Variants in WWTR1 observed in about 807,000 individuals in gnomAD.
The protein encoded by WWTR1 is WW domain-containing transcription regulator protein 1.
In WWTR1, 13 loss-of-function variants were observed where a neutral mutation model predicts 40.1. The ratio of observed to expected loss-of-function variants is 0.32; its 90% confidence interval spans 0.21 to 0.52. The LOEUF is 0.52. WWTR1 is among the 20% of genes least tolerant of loss of function. WWTR1 has a pLI of 0.97. For synonymous variants in WWTR1, 230 were observed against 210.1 expected (o/e 1.09, Z -0.82); for missense variants, 436 against 523.1 (o/e 0.83, Z 1.63).
rs551780459 is a variant in WWTR1 at position 149,520,730 on chromosome 3, C to T, written c.*75G>A. 2 of 1,403,428 alleles carry T rather than the reference C, an allele frequency of 1.4e-6. No individual in the cohort carries two copies. Among genetic ancestry groups the T allele is most frequent in the South Asian group, 3.4e-5 (2 of 58,096 alleles). The allele number at this position is 1,403,428 out of a possible 1,614,324, so 86.9% of individuals were successfully genotyped here. Reference sequence around the variant, plus strand: ...GGGAAGTGGTGCACCTGCAGACTTGCTCTGCTCCATCACTTTTTCCAAGAG... The same window carrying T: ...GGGAAGTGGTGCACCTGCAGACTTGTTCTGCTCCATCACTTTTTCCAAGAG... On this transcript the variant is annotated 3_prime_UTR_variant, in exon 7 of 7. Coordinates refer to ENST00000360632, the MANE Select transcript of WWTR1 (RefSeq NM_015472.6).
chr3:149,694,369 G>C (rs1714915027), intron 1 of WWTR1, among the ~76,000 whole-genome samples: 1 of 152,166 alleles, frequency 6.6e-6, no homozygotes, highest in South Asian at 2.1e-4. Context: ...ACTCCAGCCT[G>C]GGCGACAGAG....
intron 3 of WWTR1, among the ~76,000 whole-genome samples, chr3:149,571,939 T>C (rs571985206): frequency 1.3e-5 from 2 of 152,228 alleles, no homozygotes; most frequent in East Asian, 3.8e-4. Context: ...CTGCAGTGTA[T>C]TAATTCACTG....
At chr3:149,532,985 G>A (rs1735660792) in intron 4 of WWTR1, among the ~76,000 whole-genome samples, 1 of 152,212 alleles carries the variant, frequency 6.6e-6, no homozygotes, top group African/African-American at 2.4e-5. Context: ...CATCGGTGGT[G>A]CAGCTGCCTT....
intron 2 of WWTR1, among the ~76,000 whole-genome samples, chr3:149,645,948 C>G (rs113778514): frequency 2.0e-5 from 3 of 152,084 alleles, no homozygotes; most frequent in African/African-American, 7.2e-5. Flanking sequence ...TTGAGATGTG[C>G]CACAGCAAAA....
intron 2 of WWTR1, among the ~76,000 whole-genome samples, chr3:149,614,781 G>A (rs886105656): frequency 1.3e-5 from 2 of 152,084 alleles, no homozygotes; most frequent in African/African-American, 2.4e-5. Context: ...TCAGGAGTTC[G>A]AGACCAGCCT....
intron 4 of WWTR1, among the ~76,000 whole-genome samples, chr3:149,535,695 C>T (rs1392978144): frequency 4.2e-5 from 6 of 142,140 alleles, no homozygotes; most frequent in Admixed American, 3.0e-4. Context: ...TTTAGATACT[C>T]GTCTGTCTTC....
At chr3:149,687,974 T>C (rs1559841698) in intron 1 of WWTR1, among the ~76,000 whole-genome samples, 1 of 151,728 alleles carries the variant, frequency 6.6e-6, no homozygotes, top group South Asian at 2.1e-4. Flanking sequence ...GTTGTTGCCA[T>C]GGACCTGGGG....
intron 3 of WWTR1, among the ~76,000 whole-genome samples, chr3:149,568,061 T>C (rs1376961456): frequency 1.3e-5 from 2 of 152,150 alleles, no homozygotes; most frequent in African/African-American, 4.8e-5. Context: ...TAAGTATTAA[T>C]AGTAAGGAAG....
intron 2 of WWTR1, among the ~76,000 whole-genome samples, chr3:149,591,887 C>T (rs979430934): frequency 1.3e-5 from 2 of 150,150 alleles, no homozygotes; most frequent in African/African-American, 2.5e-5. Flanking sequence ...AGAAACATTG[C>T]GGGAGGGGGT....
At chr3:149,634,885 A>G (rs1711732992) in intron 2 of WWTR1, among the ~76,000 whole-genome samples, 1 of 152,186 alleles carries the variant, frequency 6.6e-6, no homozygotes, top group Admixed American at 6.5e-5. Context: ...TATCCTCACC[A>G]TGTCTGTCCC....
At chr3:149,613,838 A>G (rs11715053) in intron 2 of WWTR1, among the ~76,000 whole-genome samples, 42,750 of 151,950 alleles carry the variant, frequency 0.28, 8,084 homozygotes, top group African/African-American at 0.54. Flanking sequence ...GAGCCACTAC[A>G]CCCAGCTGGG....
At chr3:149,646,816 G>C (rs577839206) in intron 2 of WWTR1, among the ~76,000 whole-genome samples, 1 of 152,228 alleles carries the variant, frequency 6.6e-6, no homozygotes, top group South Asian at 2.1e-4. Context: ...TTCTAAATGG[G>C]GGATTCAGAG....
At chr3:149,637,349 C>G (rs1011281497) in intron 2 of WWTR1, among the ~76,000 whole-genome samples, 1 of 151,986 alleles carries the variant, frequency 6.6e-6, no homozygotes, top group African/African-American at 2.4e-5. Flanking sequence ...CCTCAGCCTC[C>G]CCAGTAGCTG....
chr3:149,664,724 GA>G (rs1713734526), intron 2 of WWTR1, among the ~76,000 whole-genome samples: 1 of 152,056 alleles, frequency 6.6e-6, no homozygotes, highest in African/African-American at 2.4e-5. Context: ...GAGTAGCTGG[GA>G]TTACAGGCAT....
intron 3 of WWTR1, among the ~76,000 whole-genome samples, chr3:149,557,676 A>G (rs915966512): frequency 1.3e-5 from 2 of 151,760 alleles, no homozygotes; most frequent in Non-Finnish European, 2.9e-5. Flanking sequence ...CTTTACCCCA[A>G]CTTAATTCAA....
chr3:149,583,087 T>G (rs2108015805), intron 2 of WWTR1, among the ~76,000 whole-genome samples: 1 of 152,278 alleles, frequency 6.6e-6, no homozygotes, highest in Non-Finnish European at 1.5e-5. Context: ...TGCCTCAACC[T>G]CCTGAGTAGC....
intron 2 of WWTR1, among the ~76,000 whole-genome samples, chr3:149,620,626 T>C (rs548955367): frequency 6.7e-5 from 10 of 149,280 alleles, no homozygotes; most frequent in Admixed American, 1.3e-4. Context: ...ACATAGAGTA[T>C]CTTATCTACT....
intron 3 of WWTR1, among the ~76,000 whole-genome samples, chr3:149,567,498 T>C (rs964381202): frequency 6.6e-6 from 1 of 152,216 alleles, no homozygotes; most frequent in Non-Finnish European, 1.5e-5. Context: ...TTTCACAATT[T>C]GTAAGCAAAA....
chr3:149,580,766 C>A (rs1176469226), intron 2 of WWTR1, among the ~76,000 whole-genome samples: 2 of 152,172 alleles, frequency 1.3e-5, no homozygotes, highest in East Asian at 3.9e-4. Context: ...GCGTGTGCCA[C>A]CACACCTGGC....
Sources: allele counts gnomAD v4.1 joint callset (sites outside exome capture counted in the v4.1 genomes callset), GRCh38; gene constraint gnomAD v4.1.1; transcripts MANE v1.5; gene names NCBI Gene and HGNC (gene_info 2026-07-23, HGNC 2026-07-21).